TBC1D1: variants seen among roughly 807,000 people sequenced by gnomAD.
TBC1D1 encodes TBC1 domain family member 1, also known as TBC1 (tre-2/USP6, BUB2, cdc16) domain family, member 1.
In TBC1D1, 89 loss-of-function variants were observed where a neutral mutation model predicts 125.6. The ratio of observed to expected loss-of-function variants is 0.71; its 90% CI spans 0.60 to 0.85. The LOEUF (loss-of-function observed/expected upper bound fraction) is 0.85, where lower values mean the gene tolerates loss of function less well. Ranked by LOEUF, TBC1D1 falls within the 40% of genes least tolerant of loss-of-function variation. The probability of loss-of-function intolerance (pLI) is 0.00; values close to 1 mark genes in which losing one functional copy is unlikely to be tolerated. For synonymous variants in TBC1D1, 565 were observed against 564.1 expected (o/e 1.00, Z -0.02); for missense variants, 1,377 against 1,469.2 (o/e 0.94, Z 1.03).
chr4:38,110,430 TGATAAAGA>T (rs1229312643), intron 15 of TBC1D1: 1 of 985,246 alleles, frequency 1.0e-6, no homozygotes, highest in African/African-American at 1.7e-5. Context: ...CCCCTCCAAG[TGATAAAGA>T]AGGAAAAGAT....
chr4:37,978,018 G>T (rs1275246171), intron 2 of TBC1D1, among the ~76,000 whole-genome samples: 1 of 152,208 alleles, frequency 6.6e-6, no homozygotes, highest in East Asian at 1.9e-4. Flanking sequence ...TCTGTCTTTC[G>T]TTTTTAACCC....
chr4:38,052,167 CTGTGTGTG>C lies in TBC1D1; in HGVS notation c.1911-2011_1911-2004del, dbSNP rs58659939. On this transcript the variant is annotated intron_variant, in intron 11 of 19. Coordinates refer to ENST00000261439, the MANE Select transcript of TBC1D1 (RefSeq NM_015173.4). ...AATGTCCATGCAGGAAGCAGAGCCA[CTGTGTGTG>C]TGTGTGTGTGTGTGTGTGTGCGCGC... 2.1e-3 allele frequency: 1,527 copies of C among 735,694 alleles called. 23 individuals are homozygous for C. The highest frequency in any genetic ancestry group is 0.012 in the South Asian group (630 of 53,394). The allele number at this position is 735,694 out of a possible 1,614,324, so 45.6% of individuals were successfully genotyped here.
chr4:37,911,574 G>C (rs957311808), intron 2 of TBC1D1, among the ~76,000 whole-genome samples: 2 of 152,088 alleles, frequency 1.3e-5, no homozygotes, highest in African/African-American at 4.8e-5. Flanking sequence ...CCCTTTCCTG[G>C]CCGCTTTTAT....
intron 15 of TBC1D1, among the ~76,000 whole-genome samples, chr4:38,113,599 G>A (rs1455342517): frequency 6.6e-6 from 1 of 152,236 alleles, no homozygotes; most frequent in Non-Finnish European, 1.5e-5. Flanking sequence ...GTCCATTTGG[G>A]ATGGGACAGG....
At chr4:38,065,360 A>G (rs1005848423) in intron 12 of TBC1D1, among the ~76,000 whole-genome samples, 12 of 152,272 alleles carry the variant, frequency 7.9e-5, no homozygotes, top group Middle Eastern at 3.4e-3. Flanking sequence ...GATGCTGGAG[A>G]TGAATTATCT....
chr4:38,089,523 A>T (rs1758078126), intron 12 of TBC1D1, among the ~76,000 whole-genome samples: 1 of 152,226 alleles, frequency 6.6e-6, no homozygotes, highest in Admixed American at 6.5e-5. Flanking sequence ...AAAACTGCAT[A>T]GTTATCATAC....
chr4:37,952,250 G>A (rs1728040533), intron 2 of TBC1D1: 8 of 567,836 alleles, frequency 1.4e-5, no homozygotes, highest in Admixed American at 3.1e-5. Flanking sequence ...GGAAATCACA[G>A]GCTAGATTTT....
At chr4:38,108,335 A>G (rs1404049015) in intron 15 of TBC1D1, among the ~76,000 whole-genome samples, 1 of 152,224 alleles carries the variant, frequency 6.6e-6, no homozygotes, top group African/African-American at 2.4e-5. Flanking sequence ...AGCCTCTCCC[A>G]TGATAGGAGG....
intron 17 of TBC1D1, among the ~76,000 whole-genome samples, chr4:38,121,260 A>G (rs1763804845): frequency 6.6e-6 from 1 of 152,224 alleles, no homozygotes; most frequent in Admixed American, 6.5e-5. Context: ...CAGCCTTGAC[A>G]AAGACAAAGG....
At chr4:38,085,118 A>T (rs958125164) in intron 12 of TBC1D1, among the ~76,000 whole-genome samples, 1 of 152,228 alleles carries the variant, frequency 6.6e-6, no homozygotes, top group African/African-American at 2.4e-5. Flanking sequence ...TTGTGTGCAG[A>T]TAGAAAGAAT....
At chr4:38,053,267 G>C in intron 11 of TBC1D1, 42 bp downstream of exon 13, 1 of 1,370,018 alleles carries the variant, frequency 7.3e-7, no homozygotes, top group Non-Finnish European at 9.5e-7. Context: ...GTGTTACTAA[G>C]TGTTGAATAT....
At chr4:38,132,962 G>A (rs1765842062) in intron 18 of TBC1D1, 122 bp from the exon 21 acceptor site, 2 of 724,992 alleles carry the variant, frequency 2.8e-6, no homozygotes. Flanking sequence ...CTAGTACCAA[G>A]TGTAGAGCTA....
At chr4:38,135,913 T>TAC (rs1400608138) in intron 19 of TBC1D1, among the ~76,000 whole-genome samples, 1 of 108,360 alleles carries the variant, frequency 9.2e-6, no homozygotes, top group Non-Finnish European at 2.0e-5. Context: ...TATATATACG[T>TAC]GTGTGTGTAT....
chr4:37,978,042 G>A (rs1259385373), intron 2 of TBC1D1, among the ~76,000 whole-genome samples: 2 of 152,318 alleles, frequency 1.3e-5, no homozygotes, highest in East Asian at 3.9e-4. Context: ...GGTTTCAAAG[G>A]GCATGTTCTG....
At chr4:37,956,081 C>T (rs1379863483) in intron 2 of TBC1D1, among the ~76,000 whole-genome samples, 3 of 151,734 alleles carry the variant, frequency 2.0e-5, no homozygotes, top group South Asian at 4.2e-4. Context: ...GCTGGAGTAC[C>T]GGTGTCGTGA....
chr4:37,968,967 T>C (rs531930105), intron 2 of TBC1D1, among the ~76,000 whole-genome samples: 1 of 152,342 alleles, frequency 6.6e-6, no homozygotes, highest in South Asian at 2.1e-4. Flanking sequence ...CTTGGACGAT[T>C]TGTGGCTTGG....
intron 2 of TBC1D1, among the ~76,000 whole-genome samples, chr4:37,944,293 T>C (rs932355353): frequency 1.3e-5 from 2 of 152,148 alleles, no homozygotes; most frequent in African/African-American, 4.8e-5. Flanking sequence ...GGGACCCACT[T>C]GAGGAGGCAG....
chr4:38,067,768 G>A (rs1197710890), intron 12 of TBC1D1, among the ~76,000 whole-genome samples: 2 of 152,202 alleles, frequency 1.3e-5, no homozygotes, highest in Non-Finnish European at 2.9e-5. Context: ...GTGTACAGCA[G>A]GCTGCATACA....
chr4:38,030,512 G>A (rs1745928382), intron 7 of TBC1D1: 1 of 152,212 alleles, frequency 6.6e-6, no homozygotes, highest in South Asian at 2.1e-4. Context: ...TTTTATTCTA[G>A]AGGCTTGTTA....
Sources: gnomAD v4.1 joint callset for allele counts (sites outside exome capture counted in the v4.1 genomes callset) on GRCh38, gnomAD v4.1.1 for gene constraint, MANE v1.5 for transcripts, NCBI Gene and HGNC (gene_info 2026-07-23, HGNC 2026-07-21) for gene names.